The following PTPRN2 variants were observed in gnomAD, a reference collection of about 807,000 sequenced individuals.
PTPRN2 encodes the protein receptor-type tyrosine-protein phosphatase N2.
PTPRN2 carries 74 observed loss-of-function variants against 118.8 expected under a neutral mutation model. The ratio of observed to expected loss-of-function variants is 0.62; its 90% CI spans 0.52 to 0.76. The LOEUF (loss-of-function observed/expected upper bound fraction) is 0.76, where lower values mean the gene tolerates loss of function less well. PTPRN2 is among the 30% of genes least tolerant of loss of function. PTPRN2 has a pLI of 0.00. For missense variants in PTPRN2, 1,481 were observed against 1,394.4 expected (o/e 1.06, Z -0.99); for synonymous variants, 641 against 608.0 (o/e 1.05, Z -0.80).
At chr7:158,341,685 C>T (rs28405851) in intron 2 of PTPRN2, among the ~76,000 whole-genome samples, 145 of 100,222 alleles carry the variant, frequency 1.4e-3, no homozygotes, top group African/African-American at 6.7e-3. Context: ...AGCTGTCGCC[C>T]GCAGAGGTCA....
intron 6 of PTPRN2, among the ~76,000 whole-genome samples, chr7:158,140,086 T>G (rs1819232370): frequency 6.6e-6 from 1 of 152,240 alleles, no homozygotes; most frequent in Admixed American, 6.5e-5. Context: ...AAAGACCGTC[T>G]TCTTTTCTCC....
At chr7:157,660,777 CAG>C (rs1795845975) in intron 13 of PTPRN2, among the ~76,000 whole-genome samples, 2 of 152,142 alleles carry the variant, frequency 1.3e-5, no homozygotes. Flanking sequence ...TATTATGAGA[CAG>C]AGTCTCGCTC....
intron 2 of PTPRN2, among the ~76,000 whole-genome samples, chr7:158,381,758 G>A (rs1031157269): frequency 6.6e-6 from 1 of 152,176 alleles, no homozygotes; most frequent in African/African-American, 2.4e-5. Context: ...ATTTATACAG[G>A]AAAGTGATTT....
intron 21 of PTPRN2, among the ~76,000 whole-genome samples, chr7:157,566,598 G>A (rs1414628328): frequency 6.6e-6 from 1 of 152,220 alleles, no homozygotes; most frequent in Non-Finnish European, 1.5e-5. Flanking sequence ...ACCAATCTCA[G>A]AAAAGGCCCC....
rs1802684726 is a variant in PTPRN2, at chr7:157,615,282, G to T, written c.2344+6080C>A. 2.8e-6 allele frequency: 1 copy of T among 359,714 alleles called. No individual in the cohort carries two copies. Among genetic ancestry groups the T allele is most frequent in the Non-Finnish European group, 5.6e-6 (1 of 177,002 alleles). 22.3% of individuals were successfully genotyped at this position (359,714 alleles called of 1,614,324 possible). A position where few individuals can be genotyped will look rare whatever the true frequency, so the allele number is the denominator to read the frequency against. The stretch of plus-strand genomic sequence containing the variant: ...CCAGCCACACTTCTGCTCCAGAGAG[G>T]GCCCTGCAAGAGCGGTGTGCGTGGG... On this transcript the variant is annotated intron_variant, in intron 15 of 22. Transcript: ENST00000389418. The surrounding 1 kb of genome is among the most constrained non-coding windows in gnomAD (Gnocchi z 4.3).
intron 11 of PTPRN2, among the ~76,000 whole-genome samples, chr7:157,997,409 G>T (rs956410933): frequency 5.3e-5 from 8 of 152,260 alleles, no homozygotes; most frequent in Non-Finnish European, 8.8e-5. Flanking sequence ...CAGGACAGGG[G>T]GCTGCTCTTT....
In PTPRN2 at chr7:157,603,199, CCAGCCTGTGGCTT is replaced by C. The variant is rs1200372189; in HGVS notation, c.2418+790_2418+802del. The stretch of plus-strand genomic sequence containing the variant: ...ATCTGAACACCCAGTCCGAGTGTCC[CCAGCCTGTGGCTT>C]CAGCCCTCTCCATGCTCATATCTCT... On this transcript the variant is annotated intron_variant, in intron 16 of 22. Transcript: ENST00000389418. This position sits in a 1 kb window ranked among gnomAD's most constrained non-coding sequence, Gnocchi z 5.4. Among the ~76,000 whole-genome samples the C allele has an allele frequency of 6.6e-6, 1 of 152,094 alleles. No homozygotes were observed. The highest frequency in any genetic ancestry group is 2.4e-5 in the African/African-American group (1 of 41,418).
intron 11 of PTPRN2, among the ~76,000 whole-genome samples, chr7:158,043,323 T>C (rs1808606008): frequency 6.7e-6 from 1 of 150,314 alleles, no homozygotes; most frequent in Admixed American, 6.7e-5. Context: ...ACTAACAACA[T>C]TCTTACCTAT....
chr7:157,958,907 T>C (rs1188380937), intron 11 of PTPRN2, among the ~76,000 whole-genome samples: 1 of 152,166 alleles, frequency 6.6e-6, no homozygotes, highest in Admixed American at 6.5e-5. Context: ...CATCCAAAAA[T>C]TTATATGGAA....
At chr7:157,793,603 G>A (rs1053136172) in intron 12 of PTPRN2, among the ~76,000 whole-genome samples, 6 of 152,184 alleles carry the variant, frequency 3.9e-5, no homozygotes, top group Non-Finnish European at 5.9e-5. Flanking sequence ...TCACATGCTC[G>A]CCCTCCGGCT....
intron 1 of PTPRN2, among the ~76,000 whole-genome samples, chr7:158,506,560 C>G (rs1563370650): frequency 1.3e-5 from 2 of 152,042 alleles, no homozygotes; most frequent in East Asian, 3.9e-4. Context: ...TGCTTAACAT[C>G]CGTCTTCTCC....
At chr7:157,778,325 C>G (rs1803461012) in intron 12 of PTPRN2, among the ~76,000 whole-genome samples, 1 of 151,918 alleles carries the variant, frequency 6.6e-6, no homozygotes, top group African/African-American at 2.4e-5. Context: ...ATACAGGCAT[C>G]AAATGCCCAC....
At chr7:158,065,571 C>T (rs540270699) in intron 11 of PTPRN2, among the ~76,000 whole-genome samples, 8 of 152,316 alleles carry the variant, frequency 5.3e-5, no homozygotes, top group Non-Finnish European at 1.2e-4. Context: ...CAGATGGAGC[C>T]ATCAGACCCG....
chr7:158,388,684 A>AC (rs891486834), intron 2 of PTPRN2, among the ~76,000 whole-genome samples: 1 of 152,128 alleles, frequency 6.6e-6, no homozygotes, highest in East Asian at 2.0e-4. Flanking sequence ...TTGGTGATTA[A>AC]CCCCCCAAGA....
chr7:157,678,500 G>A lies in PTPRN2; in HGVS notation c.2001+4225C>T, dbSNP rs987157931. ...TTGTCAGAACTCAGCTTTCTGCACCGGGGGTAAGAAGTCAGGGTGCATTTG... is the reference window on the plus strand; with the variant it reads ...TTGTCAGAACTCAGCTTTCTGCACCAGGGGTAAGAAGTCAGGGTGCATTTG... On this transcript the variant is annotated intron_variant, in intron 13 of 22. Coordinates refer to ENST00000389418, the MANE Select transcript of PTPRN2 (RefSeq NM_002847.5). Among the ~76,000 whole-genome samples the A allele has an allele frequency of 4.6e-5, 7 of 152,156 alleles. No homozygotes were observed. In the South Asian group the frequency reaches 6.2e-4, roughly 14 times the overall value.
chr7:157,980,738 G>A (rs1018047187), intron 11 of PTPRN2, among the ~76,000 whole-genome samples: 6 of 152,208 alleles, frequency 3.9e-5, no homozygotes, highest in Admixed American at 2.6e-4. Flanking sequence ...GAGCAACAGA[G>A]CAAGACTCCA....
Position 158,586,396 on chromosome 7 carries a change from C to T in PTPRN2, c.112+1162G>A, listed in dbSNP as rs114347062. ...GGCCTAGAGGCCGAGAGGAAGGTGC[C>T]GGAGCCCAGCTGCACTGAGGTGGGT... On this transcript the variant is annotated intron_variant, in intron 1 of 22. Transcript: ENST00000389418. 2.8e-3 allele frequency among the ~76,000 whole-genome samples: 423 copies of T among 152,310 alleles called. 3 individuals carry two copies. Among genetic ancestry groups the T allele is most frequent in the African/African-American group, 9.6e-3 (398 of 41,572 alleles).
rs547654971 is a variant in PTPRN2, at chr7:157,675,189, C to A, written c.2001+7536G>T. Among the ~76,000 whole-genome samples, 6 of 152,286 alleles carry A rather than the reference C, an allele frequency of 3.9e-5. No individual in the cohort carries two copies. In the East Asian group the frequency reaches 7.7e-4, roughly 20 times the overall value. On this transcript the variant is annotated intron_variant, in intron 13 of 22. Coordinates refer to ENST00000389418, the MANE Select transcript of PTPRN2 (RefSeq NM_002847.5). Reference sequence around the variant, plus strand: ...ACACCCACTTTATTTCACAGCGGCTCGCGTCCTTCGGAGAGCCTGCCTCCC... The same window carrying A: ...ACACCCACTTTATTTCACAGCGGCTAGCGTCCTTCGGAGAGCCTGCCTCCC...
chr7:158,073,881 C>A (rs1171058126), intron 11 of PTPRN2, among the ~76,000 whole-genome samples: 1 of 152,222 alleles, frequency 6.6e-6, no homozygotes, highest in Non-Finnish European at 1.5e-5. Flanking sequence ...GCTCCTCCAG[C>A]AAAACCTGAG....
Sources: gnomAD v4.1 joint callset for allele counts (sites outside exome capture counted in the v4.1 genomes callset) on GRCh38, gnomAD v4.1.1 for gene constraint, Gnocchi (gnomAD v3.1) non-coding constraint, MANE v1.5 for transcripts, NCBI Gene and HGNC (gene_info 2026-07-23, HGNC 2026-07-21) for gene names.